NDC1: variants seen among roughly 807,000 people sequenced by gnomAD.
NDC1 encodes the protein NDC1 transmembrane nucleoporin.
NDC1 carries 24 observed loss-of-function variants against 89.8 expected under a neutral mutation model. The observed-to-expected ratio is 0.27, with a 90% confidence interval of 0.19 to 0.38. The LOEUF is 0.38. Among genes scored for constraint, NDC1 ranks in the 10% least tolerant of loss-of-function variants. The pLI, the probability that NDC1 is intolerant of heterozygous loss-of-function variation, is 1.00. For synonymous variants in NDC1, 296 were observed against 284.8 expected (o/e 1.04, Z -0.39); for missense variants, 728 against 797.6 (o/e 0.91, Z 1.05).
intron 3 of NDC1, among the ~76,000 whole-genome samples, chr1:53,831,542 G>A (rs879701348): frequency 2.0e-5 from 3 of 151,780 alleles, no homozygotes; most frequent in Admixed American, 6.6e-5. Context: ...GCGTGGTGGC[G>A]CGTGCCTGTA....
chr1:53,779,073 G>A (rs1264789747), intron 16 of NDC1, among the ~76,000 whole-genome samples: 1 of 142,596 alleles, frequency 7.0e-6, no homozygotes, highest in African/African-American at 2.6e-5. Flanking sequence ...AGCCCAGCGT[G>A]TGAAGTTGCA....
chr1:53,833,454 A>G (rs1649132215), intron 2 of NDC1, among the ~76,000 whole-genome samples: 1 of 152,140 alleles, frequency 6.6e-6, no homozygotes, highest in African/African-American at 2.4e-5. Flanking sequence ...GCAAATATTT[A>G]ATCATGTGAA....
chr1:53,791,990 C>T (rs901238596), intron 14 of NDC1, among the ~76,000 whole-genome samples: 16 of 151,498 alleles, frequency 1.1e-4, no homozygotes, highest in African/African-American at 3.2e-4. Flanking sequence ...TCACCCAGGC[C>T]GGACTCCAGT....
chr1:53,789,027 A>G (rs552255946), intron 15 of NDC1, 106 bp downstream of exon 15: 118 of 711,650 alleles, frequency 1.7e-4, no homozygotes, highest in Admixed American at 1.2e-3. Context: ...ACGAATCTGT[A>G]CATTCAAAGA....
chr1:53,795,355 T>C (rs1477550343), intron 13 of NDC1, among the ~76,000 whole-genome samples: 2 of 152,054 alleles, frequency 1.3e-5, no homozygotes, highest in Non-Finnish European at 2.9e-5. Flanking sequence ...GTTACATTTC[T>C]AGCCCAGAAC....
At chr1:53,793,323 T>C (rs376939884) in intron 13 of NDC1, 44 bp from the exon 14 acceptor site, 3 of 1,458,750 alleles carry the variant, frequency 2.1e-6, no homozygotes, top group Non-Finnish European at 2.9e-6. Flanking sequence ...ACCTTTTAAA[T>C]TCTATTCAAA....
chr1:53,793,624 C>CTTG (rs765402804), intron 13 of NDC1, among the ~76,000 whole-genome samples: 18 of 152,168 alleles, frequency 1.2e-4, no homozygotes, highest in South Asian at 2.1e-4. Context: ...CAGGGTCTCG[C>CTTG]TTTGTCACCT....
chr1:53,772,009 T>C (rs901268869), intron 17 of NDC1, among the ~76,000 whole-genome samples: 8 of 152,196 alleles, frequency 5.3e-5, no homozygotes, highest in Admixed American at 5.2e-4. Context: ...TATGCTTTTC[T>C]GGAAAGGTAC....
At chr1:53,803,258 G>A (rs549081492) in intron 10 of NDC1, among the ~76,000 whole-genome samples, 2 of 152,146 alleles carry the variant, frequency 1.3e-5, no homozygotes, top group East Asian at 1.9e-4. Flanking sequence ...GTAGAAGAGC[G>A]GTCTCATCAT....
chr1:53,835,756 TA>T, intron 1 of NDC1, 136 bp from the exon 2 acceptor site: 1 of 679,274 alleles, frequency 1.5e-6, no homozygotes, highest in Non-Finnish European at 2.5e-6. Context: ...CTACTAGTAA[TA>T]ACATTACGTA....
At chr1:53,770,150 G>C (rs1647099603) in intron 17 of NDC1, among the ~76,000 whole-genome samples, 1 of 152,058 alleles carries the variant, frequency 6.6e-6, no homozygotes, top group Admixed American at 6.5e-5. Flanking sequence ...TCAGAGAAAA[G>C]AAACTAAGGT....
chr1:53,831,880 AG>A (rs1570241393), intron 3 of NDC1, among the ~76,000 whole-genome samples: 1 of 152,026 alleles, frequency 6.6e-6, no homozygotes, highest in East Asian at 1.9e-4. Context: ...GCAAAACATA[AG>A]TTTTTTTTTA....
At chr1:53,808,897 A>G (rs1165851276) in intron 7 of NDC1, among the ~76,000 whole-genome samples, 1 of 152,236 alleles carries the variant, frequency 6.6e-6, no homozygotes, top group African/African-American at 2.4e-5. Flanking sequence ...CCACTCCCTA[A>G]AACTGATATT....
At position 53,835,451 on chromosome 1, in the gene NDC1, G is replaced by A. The variant is rs141909798; in HGVS notation, c.178+49C>T. 8.9e-4 allele frequency: 1,355 copies of A among 1,520,668 alleles called. 12 individuals carry two copies. The African/African-American group carries it at 0.017, about 19-fold the overall frequency. 94.2% of individuals were successfully genotyped at this position (1,520,668 alleles called of 1,614,324 possible). ...GCTTGAAACATAATGCAATTTTTAT[G>A]TTGAGAAGTAGGTCCTATAACTTTC... On this transcript the variant is annotated intron_variant, in intron 2 of 17. Coordinates refer to ENST00000371429, the MANE Select transcript of NDC1 (RefSeq NM_018087.5).
At chr1:53,789,895 G>A (rs1393450231) in intron 14 of NDC1, among the ~76,000 whole-genome samples, 2 of 152,040 alleles carry the variant, frequency 1.3e-5, no homozygotes, top group Non-Finnish European at 2.9e-5. Context: ...TTTGAGATGA[G>A]GAGTTTGAGA....
At chr1:53,769,135 T>A (rs941472186) in intron 17 of NDC1, among the ~76,000 whole-genome samples, 2 of 152,142 alleles carry the variant, frequency 1.3e-5, no homozygotes, top group Non-Finnish European at 2.9e-5. Context: ...TATGCTATGA[T>A]CTTGTCACTG....
chr1:53,835,134 A>G (rs1649188266), intron 2 of NDC1, among the ~76,000 whole-genome samples: 3 of 152,196 alleles, frequency 2.0e-5, no homozygotes, highest in Admixed American at 2.0e-4. Context: ...AAAGAGGTAC[A>G]TGTCATATTT....
chr1:53,768,388 TGAGTTGTG>T (rs1443104446), intron 17 of NDC1, among the ~76,000 whole-genome samples: 7 of 152,356 alleles, frequency 4.6e-5, no homozygotes, highest in Non-Finnish European at 8.8e-5. Context: ...ACATTATCTT[TGAGTTGTG>T]GAGTATCTGA....
chr1:53,825,371 C>T (rs1450463923), intron 5 of NDC1, among the ~76,000 whole-genome samples: 2 of 149,296 alleles, frequency 1.3e-5, no homozygotes, highest in Admixed American at 6.6e-5. Context: ...AGGAGAATTG[C>T]TTGAACCCAG....
Sources: allele counts gnomAD v4.1 joint callset (sites outside exome capture counted in the v4.1 genomes callset), GRCh38; gene constraint gnomAD v4.1.1; transcripts MANE v1.5; gene names NCBI Gene and HGNC (gene_info 2026-07-23, HGNC 2026-07-21).